Variants in THOC1 observed in about 807,000 individuals in gnomAD.
THOC1 encodes THO complex 1.
In THOC1, 29 loss-of-function variants were observed where a neutral mutation model predicts 97.3. That is an observed-to-expected ratio of 0.30 (90% CI 0.22 to 0.41). The LOEUF is 0.41. Ranked by LOEUF, THOC1 falls within the 10% of genes least tolerant of loss-of-function variation. THOC1 has a pLI of 1.00. For missense variants in THOC1, 529 were observed against 761.9 expected (o/e 0.69, Z 3.60); for synonymous variants, 255 against 257.0 (o/e 0.99, Z 0.07).
intron 11 of THOC1, among the ~76,000 whole-genome samples, chr18:243,724 G>C (rs891194436): frequency 1.3e-5 from 2 of 151,946 alleles, no homozygotes; most frequent in Admixed American, 1.3e-4. Context: ...GGTAACCTTG[G>C]GAAGGTTCTT....
chr18:225,253 C>T, intron 13 of THOC1, 84 bp downstream of exon 13: 2 of 1,557,914 alleles, frequency 1.3e-6, no homozygotes, highest in East Asian at 2.3e-5. Context: ...TAACTTTATC[C>T]TTATTTTCCT....
At chr18:217,956 T>C (rs1479855080) in intron 18 of THOC1, among the ~76,000 whole-genome samples, 2 of 152,046 alleles carry the variant, frequency 1.3e-5, no homozygotes, top group Admixed American at 6.5e-5. Context: ...GGGAAGGAGT[T>C]TGGAATAGGC....
intron 17 of THOC1, among the ~76,000 whole-genome samples, chr18:220,869 T>A (rs1323258108): frequency 1.3e-5 from 2 of 152,202 alleles, no homozygotes; most frequent in Non-Finnish European, 2.9e-5. Context: ...ATTTCTAATC[T>A]TATTTTACTT....
In THOC1 at chr18:254,184, T is replaced by A; in HGVS notation, c.603+89A>T. 1 of 917,770 alleles carries A rather than the reference T, an allele frequency of 1.1e-6. No individual in the cohort carries two copies. Among genetic ancestry groups the A allele is most frequent in the Non-Finnish European group, 1.7e-6 (1 of 576,808 alleles). 56.9% of individuals were successfully genotyped at this position (917,770 alleles called of 1,614,324 possible). A position where few individuals can be genotyped will look rare whatever the true frequency, so the allele number is the denominator to read the frequency against. ...ACCTCAGCCTCCCAAAGTGCTAGGA[T>A]TACAAGTGTGAGCCACTGTGCCTGG... On this transcript the variant is annotated intron_variant, in intron 8 of 20. Coordinates refer to ENST00000261600, the MANE Select transcript of THOC1 (RefSeq NM_005131.3). This position sits in a 1 kb window ranked among gnomAD's most constrained non-coding sequence, Gnocchi z 4.1.
Position 214,559 on chromosome 18 carries a change from C to A in THOC1, c.*67G>T. On this transcript the variant is annotated 3_prime_UTR_variant, in exon 21 of 21. Coordinates refer to ENST00000261600, the MANE Select transcript of THOC1 (RefSeq NM_005131.3). The stretch of plus-strand genomic sequence containing the variant: ...TTTATTGTTTACCAAAACCAGTGGA[C>A]CTCTTATCAAATGCTGCTTGGTAAC... 4 of 1,283,668 alleles carry A rather than the reference C, an allele frequency of 3.1e-6. No individual in the cohort carries two copies. The South Asian group carries it at 5.5e-5, about 18-fold the overall frequency. 79.5% of individuals were successfully genotyped at this position (1,283,668 alleles called of 1,614,324 possible).
At position 218,859 on chromosome 18, in the gene THOC1, A is replaced by G. The variant is rs779266236; in HGVS notation, c.1454+27T>C. The G allele has an allele frequency of 7.1e-6, 11 of 1,549,338 alleles. No homozygotes were observed. The South Asian group carries it at 1.3e-4, about 18-fold the overall frequency. Reference sequence around the variant, plus strand: ...GGAAGAAACAAATTGAAGAAAATTAAAAGGAGCTAATGAGGAGCATACTTA... The same window carrying G: ...GGAAGAAACAAATTGAAGAAAATTAGAAGGAGCTAATGAGGAGCATACTTA... On this transcript the variant is annotated intron_variant, in intron 18 of 20. Coordinates refer to ENST00000261600, the MANE Select transcript of THOC1 (RefSeq NM_005131.3).
At chr18:223,642 A>C (rs916377832) in intron 16 of THOC1, 137 bp from the exon 17 acceptor site, 2 of 644,528 alleles carry the variant, frequency 3.1e-6, no homozygotes, top group African/African-American at 3.7e-5. Flanking sequence ...TTTCTCAATA[A>C]TTTTTGGTAT....
At chr18:243,062 G>C (rs955349419) in intron 11 of THOC1, among the ~76,000 whole-genome samples, 5 of 152,120 alleles carry the variant, frequency 3.3e-5, no homozygotes, top group African/African-American at 1.2e-4. Flanking sequence ...TTGCTTAAGG[G>C]GCAACAAAGG....
Position 217,952 on chromosome 18 carries a change from G to A in THOC1, c.1454+934C>T, listed in dbSNP as rs16954623. Among the ~76,000 whole-genome samples, 846 of 152,292 alleles carry A rather than the reference G, an allele frequency of 5.6e-3. 8 individuals are homozygous for A. The highest frequency in any genetic ancestry group is 0.019 in the African/African-American group (804 of 41,562). ...AGGAGGTCTTTTAGGCCCTGGGAAGGAGTTTGGAATAGGCACTCACTGGGA... is the reference window on the plus strand; with the variant it reads ...AGGAGGTCTTTTAGGCCCTGGGAAGAAGTTTGGAATAGGCACTCACTGGGA... On this transcript the variant is annotated intron_variant, in intron 18 of 20. Transcript: ENST00000261600.
intron 11 of THOC1, among the ~76,000 whole-genome samples, chr18:230,699 AATT>A (rs542708791): frequency 2.0e-3 from 306 of 152,296 alleles, no homozygotes; most frequent in Non-Finnish European, 1.9e-3. Flanking sequence ...TTATTTAAAA[AATT>A]ATATCATTTA....
chr18:237,109 T>C (rs1911730908), intron 11 of THOC1, among the ~76,000 whole-genome samples: 1 of 151,950 alleles, frequency 6.6e-6, no homozygotes, highest in South Asian at 2.1e-4. Flanking sequence ...GATCAGACTG[T>C]GTGGCTTGAG....
rs1473808060 is a variant in THOC1, at chr18:254,841, G to A, written c.521-486C>T. ...TATTTTTTTTTTTTTTTGAGACAGC[G>A]ACTCACTCCTGTCACCCAGGCTGCA... On this transcript the variant is annotated intron_variant, in intron 7 of 20. Coordinates refer to ENST00000261600, the MANE Select transcript of THOC1 (RefSeq NM_005131.3). This position sits in a 1 kb window ranked among gnomAD's most constrained non-coding sequence, Gnocchi z 4.1. Among the ~76,000 whole-genome samples, 5 of 149,388 alleles carry A rather than the reference G, an allele frequency of 3.3e-5. No homozygotes were observed. Among genetic ancestry groups the A allele is most frequent in the Non-Finnish European group, 7.4e-5 (5 of 67,604 alleles).
rs762233590 is a variant in THOC1, at chr18:225,009, G to A, written c.1138-15C>T. ...TTTAATATATGCTGGGAAAAACAAAGCGATTACATTTTGGTTAGTGGAATC... is the reference window on the plus strand; with the variant it reads ...TTTAATATATGCTGGGAAAAACAAAACGATTACATTTTGGTTAGTGGAATC... On this transcript the variant is annotated splice_polypyrimidine_tract_variant and intron_variant, in intron 14 of 20. Transcript: ENST00000261600. 47 of 1,567,312 alleles carry A rather than the reference G, an allele frequency of 3.0e-5. No homozygotes were observed. The East Asian group carries it at 9.9e-4, about 33-fold the overall frequency.
At chr18:261,424 A>G (rs947752909) in intron 4 of THOC1, among the ~76,000 whole-genome samples, 2 of 152,242 alleles carry the variant, frequency 1.3e-5, no homozygotes, top group African/African-American at 4.8e-5. Context: ...TAGTAAGATC[A>G]TATCTGGAAT....
intron 3 of THOC1, chr18:264,826 A>G (rs940602358): frequency 3.9e-5 from 6 of 152,972 alleles, no homozygotes; most frequent in African/African-American, 1.4e-4. Context: ...CATTATTGGT[A>G]AACAAATTCA....
chr18:252,756 A>C, intron 8 of THOC1, 144 bp from the exon 9 acceptor site: 1 of 666,716 alleles, frequency 1.5e-6, no homozygotes, highest in South Asian at 1.7e-5. Flanking sequence ...ACCTATAGTT[A>C]ATCTGTAAGG....
intron 4 of THOC1, chr18:263,803 C>T: frequency 2.3e-6 from 1 of 426,352 alleles, no homozygotes; most frequent in South Asian, 4.1e-5. Flanking sequence ...ATGAACAAAA[C>T]AACTGGAGAA....
intron 11 of THOC1, among the ~76,000 whole-genome samples, chr18:236,335 G>C (rs934073656): frequency 1.3e-5 from 2 of 149,346 alleles, no homozygotes; most frequent in Admixed American, 6.7e-5. Context: ...TGCATAACTA[G>C]GAAAGAATAA....
In THOC1 at chr18:235,085, A is replaced by ATTT. The variant is rs34986100; in HGVS notation, c.919-8187_919-8185dup. On this transcript the variant is annotated intron_variant, in intron 11 of 20. Transcript: ENST00000261600. Reference sequence around the variant, plus strand: ...TGGTTGTTCATTTATTTGGTTTTCTATTTTTTTTTTTTTTTGAGAGTCTAT... The same window carrying ATTT: ...TGGTTGTTCATTTATTTGGTTTTCTATTTTTTTTTTTTTTTTTTGAGAGTCTAT... Among the ~76,000 whole-genome samples, 1,211 of 139,176 alleles carry ATTT rather than the reference A, an allele frequency of 8.7e-3. 13 individuals are homozygous for ATTT. Among genetic ancestry groups the ATTT allele is most frequent in the African/African-American group, 0.029 (1,111 of 38,078 alleles). 91.3% of individuals were successfully genotyped at this position (139,176 alleles called of 152,430 possible). A position where few individuals can be genotyped will look rare whatever the true frequency, so the allele number is the denominator to read the frequency against.
Sources: gnomAD v4.1 joint callset for allele counts (sites outside exome capture counted in the v4.1 genomes callset) on GRCh38, gnomAD v4.1.1 for gene constraint, Gnocchi (gnomAD v3.1) non-coding constraint, MANE v1.5 for transcripts, NCBI Gene and HGNC (gene_info 2026-07-23, HGNC 2026-07-21) for gene names.